NCOA6: variants seen among roughly 807,000 people sequenced by gnomAD.
NCOA6 encodes the protein NRC RAP250.
A neutral mutation model predicts 171.4 loss-of-function variants in NCOA6; 49 were observed. That is an observed-to-expected ratio of 0.29 (90% CI 0.23 to 0.36). The LOEUF (loss-of-function observed/expected upper bound fraction) is 0.36. NCOA6 is among the 10% of genes least tolerant of loss of function. The probability of loss-of-function intolerance (pLI) is 1.00; values close to 1 mark genes in which losing one functional copy is unlikely to be tolerated. For synonymous variants in NCOA6, 910 were observed against 927.5 expected (o/e 0.98, Z 0.34); for missense variants, 2,248 against 2,554.5 (o/e 0.88, Z 2.59).
intron 4 of NCOA6, among the ~76,000 whole-genome samples, chr20:34,774,373 T>C (rs1012271418): frequency 2.0e-5 from 3 of 152,250 alleles, no homozygotes; most frequent in Admixed American, 1.3e-4. Flanking sequence ...TTTTAGATAG[T>C]TCCACATTTT....
At chr20:34,774,188 T>C (rs1247582048) in intron 4 of NCOA6, among the ~76,000 whole-genome samples, 1 of 152,206 alleles carries the variant, frequency 6.6e-6, no homozygotes, top group Admixed American at 6.5e-5. Flanking sequence ...TTTGAAGCCT[T>C]TAAATAGGTA....
intron 1 of NCOA6, among the ~76,000 whole-genome samples, chr20:34,797,242 G>C (rs574509736): frequency 2.0e-5 from 3 of 152,238 alleles, no homozygotes; most frequent in Admixed American, 1.3e-4. Flanking sequence ...GGAGAGGAGA[G>C]GGAAGAGTAA....
At chr20:34,761,062 A>G (rs892091416) in intron 5 of NCOA6, among the ~76,000 whole-genome samples, 1 of 151,978 alleles carries the variant, frequency 6.6e-6, no homozygotes, top group African/African-American at 2.4e-5. Context: ...TCTCTAGTAA[A>G]AATACAAAAA....
chr20:34,772,922 AT>A (rs1053761215), intron 4 of NCOA6, among the ~76,000 whole-genome samples: 3 of 152,208 alleles, frequency 2.0e-5, no homozygotes, highest in African/African-American at 7.2e-5. Flanking sequence ...AAGAAAAAAA[AT>A]CACATATTAA....
chr20:34,750,311 G>A lies in NCOA6; in HGVS notation c.1884C>T (p.Ile628=), dbSNP rs61736332. The stretch of plus-strand genomic sequence containing the variant: ...GGACCATCTGGCCCTGGGAGGGCAC[G>A]ATTTGCTGGTGCATGCCCATCAGCT... ...PSQLMGMHQQ[I]VPSQGQMVQQ... Residue 628 remains isoleucine, a synonymous_variant, in exon 9 of 15, where the codon ATC becomes ATT. Coordinates refer to ENST00000359003, the MANE Select transcript of NCOA6 (RefSeq NM_014071.5). 18,147 of 1,613,514 alleles carry A rather than the reference G, an allele frequency of 0.011. 127 individuals carry two copies. The highest frequency in any genetic ancestry group is 0.014 in the Non-Finnish European group (16,182 of 1,179,702).
In NCOA6 at chr20:34,741,216, T is replaced by G. The variant is rs1454055868; in HGVS notation, c.5040A>C (p.Ala1680=). ...MKGSQPSTIP[A]APLTTNSGLM... Reference sequence around the variant, plus strand: ...GGCCAGAGTTGGTTGTCAGTGGGGCTGCAGGAATTGTGCTTGGCTGTGATC... The same window carrying G: ...GGCCAGAGTTGGTTGTCAGTGGGGCGGCAGGAATTGTGCTTGGCTGTGATC... Residue 1680 remains alanine (A), a synonymous_variant, in exon 11 of 15, where the codon GCA becomes GCC. Coordinates refer to ENST00000359003, the MANE Select transcript of NCOA6 (RefSeq NM_014071.5). 1 of 1,614,258 alleles carries G rather than the reference T, an allele frequency of 6.2e-7. No individual in the cohort carries two copies. The highest frequency in any genetic ancestry group is 1.7e-5 in the Admixed American group (1 of 60,030).
chr20:34,765,367 A>G (rs1429399427), intron 5 of NCOA6, among the ~76,000 whole-genome samples: 2 of 150,588 alleles, frequency 1.3e-5, no homozygotes, highest in Non-Finnish European at 1.5e-5. Flanking sequence ...CCTGGGAGGC[A>G]GAGCTTGCAG....
intron 8 of NCOA6, among the ~76,000 whole-genome samples, chr20:34,751,376 C>CAAAAAA (rs35848122): frequency 0.015 from 998 of 68,060 alleles, 58 homozygotes; most frequent in Non-Finnish European, 0.016. Context: ...GACTCCGTCT[C>CAAAAAA]AAAAAAAAAA....
rs762836072 is a variant in NCOA6 at position 34,740,400 on chromosome 20, C to T, written c.5856G>A (p.Glu1952=). 3 of 1,614,072 alleles carry T rather than the reference C, an allele frequency of 1.9e-6. No individual in the cohort carries two copies. The African/African-American group carries it at 4.0e-5, about 22-fold the overall frequency. The part of the protein sequence containing the change: ...SESLAGGLVE[E]KVGSHPELLP... ...GAAGTTCTGGATGGGATCCCACCTT[C>T]TCCTCCACTAGGCCACCCGCAAGTG... Residue 1952 remains glutamate, a synonymous_variant, in exon 11 of 15, where the codon GAG becomes GAA. Transcript: ENST00000359003.
At position 34,758,924 on chromosome 20, in the gene NCOA6, CTTA is replaced by C; in HGVS notation, c.521_523del (p.Ile174del). 1.2e-6 allele frequency: 2 copies of C among 1,613,442 alleles called. No homozygotes were observed. The highest frequency in any genetic ancestry group is 1.7e-6 in the Non-Finnish European group (2 of 1,179,852). The stretch of plus-strand genomic sequence containing the variant: ...CATAACAGTGGCAGGGTTGTTCATC[CTTA>C]TTATTCCTAGAAAAAAGATCCCTAA... On this transcript the variant is annotated inframe_deletion, in exon 6 of 15. Transcript: ENST00000359003.
chr20:34,775,767 G>A (rs1341832104), intron 4 of NCOA6, among the ~76,000 whole-genome samples: 1 of 151,430 alleles, frequency 6.6e-6, no homozygotes, highest in Non-Finnish European at 1.5e-5. Context: ...TCTGTTAGAC[G>A]AATAAAGAAA....
chr20:34,751,651 A>T (rs999452929), intron 8 of NCOA6, among the ~76,000 whole-genome samples: 2 of 152,058 alleles, frequency 1.3e-5, no homozygotes, highest in African/African-American at 4.8e-5. Flanking sequence ...CTGCAAATAG[A>T]GGAATAATAA....
chr20:34,741,727 A>G lies in NCOA6; in HGVS notation c.4529T>C (p.Leu1510Pro). ...APNVTIKPPG[L>P]TDLEVTPPVV... is the part of the protein sequence containing the mutation. ...TGGAGGTGTTACTTCCAGATCTGTA[A>G]GCCCAGGGGGTTTAATTGTCACATT... Residue 1510 changes from leucine to proline, a missense_variant, in exon 11 of 15, where the codon CTT becomes CCT. Around this residue, in one of 7 missense-constraint regions of NCOA6, gnomAD observed 884 missense variants for 941.9 expected, o/e 0.94. Coordinates refer to ENST00000359003, the MANE Select transcript of NCOA6 (RefSeq NM_014071.5). 1 of 1,614,170 alleles carries G rather than the reference A, an allele frequency of 6.2e-7. No individual in the cohort carries two copies. Among genetic ancestry groups the G allele is most frequent in the Middle Eastern group, 1.6e-4 (1 of 6,062 alleles).
At chr20:34,790,725 C>G (rs189917077) in intron 2 of NCOA6, among the ~76,000 whole-genome samples, 5 of 152,126 alleles carry the variant, frequency 3.3e-5, no homozygotes, top group African/African-American at 9.6e-5. Context: ...TCTTGGCTCA[C>G]TGCAACCTCT....
Position 34,740,597 on chromosome 20 carries a change from G to A in NCOA6, c.5659C>T (p.Leu1887=). The change falls in exon 11 of 15, where the codon CTA becomes TTA. Residue 1887 remains leucine (L), a synonymous_variant. Transcript: ENST00000359003. ...CCCACAGGGCTAGAGGTCATTTTTA[G>A]CAGAGTGGGTGCTGGGGGCGTTGGG... The part of the protein sequence containing the change: ...KTPTPPAPTL[L]KMTSSPVGPG... The A allele has an allele frequency of 6.2e-7, 1 of 1,614,162 alleles. No individual in the cohort carries two copies. Among genetic ancestry groups the A allele is most frequent in the Non-Finnish European group, 8.5e-7 (1 of 1,180,036 alleles).
intron 5 of NCOA6, among the ~76,000 whole-genome samples, chr20:34,759,994 T>G (rs545346802): frequency 6.6e-6 from 1 of 152,136 alleles, no homozygotes; most frequent in Non-Finnish European, 1.5e-5. Context: ...TAAGTGAGAA[T>G]AGGTCAGGCA....
intron 14 of NCOA6, among the ~76,000 whole-genome samples, chr20:34,715,584 G>A (rs1988448648): frequency 6.6e-6 from 1 of 152,178 alleles, no homozygotes; most frequent in Admixed American, 6.5e-5. Flanking sequence ...TGTGACAGAG[G>A]TGGTGGCGAT....
intron 2 of NCOA6, among the ~76,000 whole-genome samples, chr20:34,785,295 T>C (rs1381643490): frequency 6.6e-6 from 1 of 151,950 alleles, no homozygotes; most frequent in Non-Finnish European, 1.5e-5. Flanking sequence ...GAAACTGATT[T>C]GGGTGGTTAA....
intron 4 of NCOA6, among the ~76,000 whole-genome samples, chr20:34,770,329 C>T (rs1390149756): frequency 6.6e-6 from 1 of 152,024 alleles, no homozygotes; most frequent in African/African-American, 2.4e-5. Context: ...CTGGCTAGGT[C>T]AGCTTTCTAT....
Sources: gnomAD v4.1 joint callset for allele counts (sites outside exome capture counted in the v4.1 genomes callset) on GRCh38, gnomAD v4.1.1 for gene constraint, gnomAD v4.1.1 regional missense constraint, MANE v1.5 for transcripts, NCBI Gene and HGNC (gene_info 2026-07-23, HGNC 2026-07-21) for gene names.